GALNTL6: variants seen among roughly 807,000 people sequenced by gnomAD.
GALNTL6 encodes the protein polypeptide N-acetylgalactosaminyltransferase like 6.
GALNTL6 carries 46 observed loss-of-function variants against 73.7 expected under a neutral mutation model. The observed-to-expected ratio is 0.62, with a 90% confidence interval of 0.49 to 0.80. The LOEUF is 0.80. Ranked by LOEUF, GALNTL6 falls within the 30% of genes least tolerant of loss-of-function variation. The pLI is 0.00. For synonymous variants in GALNTL6, 259 were observed against 263.7 expected (o/e 0.98, Z 0.17); for missense variants, 604 against 755.0 (o/e 0.80, Z 2.34).
intron 5 of GALNTL6, among the ~76,000 whole-genome samples, chr4:172,365,065 C>T (rs1742505810): frequency 6.6e-6 from 1 of 152,116 alleles, no homozygotes; most frequent in Admixed American, 6.5e-5. Context: ...AATGACTCAA[C>T]AGTAAAAGAC....
intron 5 of GALNTL6, among the ~76,000 whole-genome samples, chr4:172,787,531 T>C (rs1468854001): frequency 1.3e-5 from 2 of 152,332 alleles, no homozygotes; most frequent in East Asian, 3.9e-4. Flanking sequence ...TAGTAGCCAT[T>C]TGGTCTTGTG....
Position 172,156,539 on chromosome 4 carries a change from TAATA to T in GALNTL6, c.139-73116_139-73113del, listed in dbSNP as rs1237986946. Among the ~76,000 whole-genome samples the T allele has an allele frequency of 1.4e-3, 67 of 47,700 alleles. 3 individuals are homozygous for T. The highest frequency in any genetic ancestry group is 7.7e-3 in the African/African-American group (65 of 8,472). 31.3% of individuals were successfully genotyped at this position (47,700 alleles called of 152,430 possible). A position where few individuals can be genotyped will look rare whatever the true frequency, so the allele number is the denominator to read the frequency against. ...TTGACTTTAAATATACATATATATA[TAATA>T]TATATATATATATATATATATATAC... On this transcript the variant is annotated intron_variant, in intron 2 of 12. Transcript: ENST00000506823.
At chr4:172,197,794 T>C (rs1273727040) in intron 2 of GALNTL6, among the ~76,000 whole-genome samples, 1 of 152,070 alleles carries the variant, frequency 6.6e-6, no homozygotes, top group African/African-American at 2.4e-5. Flanking sequence ...TAACTCAAGA[T>C]GAATTAAAGA....
At chr4:172,504,159 C>CAAAAAAAAAAA (rs775200126) in intron 5 of GALNTL6, among the ~76,000 whole-genome samples, 109 of 5,152 alleles carry the variant, frequency 0.021, 39 homozygotes, top group African/African-American at 0.054. Flanking sequence ...GACTCTGTCT[C>CAAAAAAAAAAA]AAAAAAAAAA....
At chr4:172,852,318 C>T (rs1334330915) in intron 7 of GALNTL6, among the ~76,000 whole-genome samples, 1 of 152,106 alleles carries the variant, frequency 6.6e-6, no homozygotes, top group Non-Finnish European at 1.5e-5. Context: ...GCCCCTGTAG[C>T]CTCAGAGTGT....
intron 2 of GALNTL6, among the ~76,000 whole-genome samples, chr4:172,172,479 G>A (rs932066234): frequency 6.6e-6 from 1 of 152,086 alleles, no homozygotes; most frequent in Non-Finnish European, 1.5e-5. Flanking sequence ...TTATAGGCGT[G>A]AGCCACAACA....
At chr4:172,134,959 C>G (rs555897175) in intron 2 of GALNTL6, among the ~76,000 whole-genome samples, 1 of 152,124 alleles carries the variant, frequency 6.6e-6, no homozygotes, top group African/African-American at 2.4e-5. Flanking sequence ...GTGCCCCAGC[C>G]GCACCTAACT....
chr4:172,310,830 G>A (rs2654783), intron 3 of GALNTL6, among the ~76,000 whole-genome samples: 58,838 of 151,364 alleles, frequency 0.39, 12,194 homozygotes, highest in African/African-American at 0.53. Flanking sequence ...CATCTGGATG[G>A]AAAAATTAAT....
intron 2 of GALNTL6, among the ~76,000 whole-genome samples, chr4:171,833,860 C>G (rs1297031059): frequency 6.6e-6 from 1 of 151,654 alleles, no homozygotes; most frequent in East Asian, 1.9e-4. Context: ...TTTCTCCAAC[C>G]CATAATTATC....
At chr4:172,155,455 G>GTTTTTGTTGTTTTTGTTTTTT (rs1734225988) in intron 2 of GALNTL6, among the ~76,000 whole-genome samples, 3 of 152,098 alleles carry the variant, frequency 2.0e-5, no homozygotes, top group Admixed American at 2.0e-4. Context: ...AGAACTGACT[G>GTTTTTGTTGTTTTTGTTTTTT]TGAAAAAAAC....
intron 2 of GALNTL6, among the ~76,000 whole-genome samples, chr4:171,897,778 A>G (rs981806628): frequency 6.6e-6 from 1 of 151,444 alleles, no homozygotes; most frequent in Non-Finnish European, 1.5e-5. Flanking sequence ...ATGCAAAAAA[A>G]TTAGCCAGAC....
chr4:171,895,059 A>T (rs1736870521), intron 2 of GALNTL6, among the ~76,000 whole-genome samples: 1 of 152,206 alleles, frequency 6.6e-6, no homozygotes, highest in Non-Finnish European at 1.5e-5. Flanking sequence ...ACCATATATG[A>T]TTTAATTTTA....
chr4:172,686,747 T>A (rs1732941350), intron 5 of GALNTL6, among the ~76,000 whole-genome samples: 1 of 152,342 alleles, frequency 6.6e-6, no homozygotes, highest in East Asian at 1.9e-4. Flanking sequence ...CCTCAAGGAA[T>A]GTGTTTTTTC....
At chr4:172,655,283 T>C (rs1402124527) in intron 5 of GALNTL6, among the ~76,000 whole-genome samples, 1 of 152,190 alleles carries the variant, frequency 6.6e-6, no homozygotes, top group Admixed American at 6.5e-5. Context: ...TTTAAGATAA[T>C]CATTTTTAAT....
At chr4:172,772,317 C>G (rs1174867866) in intron 5 of GALNTL6, among the ~76,000 whole-genome samples, 1 of 152,108 alleles carries the variant, frequency 6.6e-6, no homozygotes, top group Admixed American at 6.6e-5. Flanking sequence ...AGACAGGACT[C>G]CAGTCTTCTC....
chr4:172,380,079 G>T, intron 5 of GALNTL6: 1 of 971,936 alleles, frequency 1.0e-6, no homozygotes, highest in Non-Finnish European at 1.7e-6. Context: ...CTGTTTATAT[G>T]GCTTGGGCTT....
intron 8 of GALNTL6, among the ~76,000 whole-genome samples, chr4:172,915,855 CA>C (rs1747475594): frequency 6.6e-6 from 1 of 151,990 alleles, no homozygotes; most frequent in African/African-American, 2.4e-5. Context: ...GAAACTATTC[CA>C]AAAAATAGAA....
intron 5 of GALNTL6, among the ~76,000 whole-genome samples, chr4:172,363,858 TTTAA>T (rs1307603607): frequency 5.3e-5 from 8 of 152,326 alleles, no homozygotes; most frequent in African/African-American, 1.9e-4. Context: ...CTTCGGTTCC[TTTAA>T]TTAATTAAAG....
chr4:172,858,673 T>C (rs1744236149), intron 7 of GALNTL6, among the ~76,000 whole-genome samples: 1 of 152,126 alleles, frequency 6.6e-6, no homozygotes, highest in Admixed American at 6.5e-5. Flanking sequence ...GGCATAGTGT[T>C]GATGAGAAAG....
Sources: allele counts gnomAD v4.1 joint callset (sites outside exome capture counted in the v4.1 genomes callset), GRCh38; gene constraint gnomAD v4.1.1; transcripts MANE v1.5; gene names NCBI Gene and HGNC (gene_info 2026-07-23, HGNC 2026-07-21).